The following DNAH8 variants were observed in gnomAD, a reference collection of about 807,000 sequenced individuals.
The protein encoded by DNAH8 is dynein axonemal heavy chain 8, also known as axonemal beta dynein heavy chain 8.
DNAH8 carries 382 observed loss-of-function variants against 562.1 expected under a neutral mutation model. That is an observed-to-expected ratio of 0.68 (90% CI 0.63 to 0.74). The LOEUF (loss-of-function observed/expected upper bound fraction) is 0.74. DNAH8 is among the 30% of genes least tolerant of loss of function. The pLI is 0.00. For missense variants in DNAH8, 5,203 were observed against 5,620.4 expected (o/e 0.93, Z 2.37); for synonymous variants, 1,881 against 1,919.4 (o/e 0.98, Z 0.52).
At chr6:38,799,946 C>CT (rs934099888) in intron 21 of DNAH8, among the ~76,000 whole-genome samples, 6 of 151,956 alleles carry the variant, frequency 3.9e-5, no homozygotes, top group Non-Finnish European at 7.4e-5. Flanking sequence ...AACTTAATTT[C>CT]TTTTTTTTCT....
At position 38,931,781 on chromosome 6, in the gene DNAH8, G is replaced by A. The variant is rs777975206; in HGVS notation, c.11275-30G>A. On this transcript the variant is annotated intron_variant, in intron 75 of 92. Transcript: ENST00000327475. ...AGTTCCTTTCCCTGCCCTTTAAGCT[G>A]TTTTTAATTTTATATGTGAATTTAT... is the stretch of plus-strand genomic sequence containing the variant. 4 of 1,472,732 alleles carry A rather than the reference G, an allele frequency of 2.7e-6. No homozygotes were observed. The Admixed American group carries it at 6.4e-5, about 23-fold the overall frequency. The allele number at this position is 1,472,732 out of a possible 1,614,324, so 91.2% of individuals were successfully genotyped here.
chr6:38,860,439 G>A lies in DNAH8; in HGVS notation c.5959-18G>A. ...TTGCAATTCAGTATATAATTTTTTT[G>A]TATTTTATGTTTTTAAGGTAAAAAT... On this transcript the variant is annotated intron_variant, in intron 42 of 92. Transcript: ENST00000327475. 7.3e-7 allele frequency: 1 copy of A among 1,366,890 alleles called. No individual in the cohort carries two copies. The highest frequency in any genetic ancestry group is 9.6e-7 in the Non-Finnish European group (1 of 1,042,544). 84.7% of individuals were successfully genotyped at this position (1,366,890 alleles called of 1,614,324 possible).
chr6:38,909,541 T>G lies in DNAH8; in HGVS notation c.9537T>G (p.Arg3179=), dbSNP rs771771042. 1 of 1,614,142 alleles carries G rather than the reference T, an allele frequency of 6.2e-7. No homozygotes were observed. Among genetic ancestry groups the G allele is most frequent in the Non-Finnish European group, 8.5e-7 (1 of 1,179,992 alleles). ...FSPVGEKFRA[R]SLKFPGLISG... ...AGGTTGGTGAGAAGTTCCGTGCCCG[T>G]TCTTTGAAATTTCCTGGCTTGATAT... Residue 3179 remains arginine, a synonymous_variant, in exon 65 of 93, where the codon CGT becomes CGG. Coordinates refer to ENST00000327475, the MANE Select transcript of DNAH8 (RefSeq NM_001206927.2).
chr6:38,878,553 A>G (rs1259439517), intron 53 of DNAH8, among the ~76,000 whole-genome samples: 1 of 152,210 alleles, frequency 6.6e-6, no homozygotes, highest in Middle Eastern at 3.2e-3. Flanking sequence ...GAAAAGATCA[A>G]TAAAAAGAAT....
rs1781765149 is a variant in DNAH8, at chr6:38,922,207, T to C, written c.10662+701T>C. Among the ~76,000 whole-genome samples, 2 of 151,420 alleles carry C rather than the reference T, an allele frequency of 1.3e-5. 1 individual carries two copies. Among genetic ancestry groups the C allele is most frequent in the South Asian group, 4.2e-4 (2 of 4,762 alleles). On this transcript the variant is annotated intron_variant, in intron 71 of 92. Coordinates refer to ENST00000327475, the MANE Select transcript of DNAH8 (RefSeq NM_001206927.2). ...AGCTCTGTTTGTAAAATGGGGATCC[T>C]AATATAACCTCTTGGGATAGGTTGT...
At position 38,829,473 on chromosome 6, in the gene DNAH8, A is replaced by C. The variant is rs1226925857; in HGVS notation, c.4188+1185A>C. Among the ~76,000 whole-genome samples the C allele has an allele frequency of 2.0e-5, 3 of 152,142 alleles. No individual in the cohort carries two copies. In the East Asian group the frequency reaches 5.8e-4, roughly 29 times the overall value. On this transcript the variant is annotated intron_variant, in intron 30 of 92. Coordinates refer to ENST00000327475, the MANE Select transcript of DNAH8 (RefSeq NM_001206927.2). ...GAGAGTTTTATAACTTTAGCACTTA[A>C]ATTTTGATTTCTGATACATTTTGAG...
At chr6:38,898,499 C>T in intron 61 of DNAH8, 119 bp downstream of exon 61, 2 of 791,844 alleles carry the variant, frequency 2.5e-6, no homozygotes, top group Non-Finnish European at 3.5e-6. Flanking sequence ...GAAGACTGTA[C>T]ATAGGTTGGG....
intron 53 of DNAH8, among the ~76,000 whole-genome samples, chr6:38,877,039 A>C (rs991761870): frequency 2.6e-5 from 4 of 152,226 alleles, no homozygotes; most frequent in African/African-American, 9.7e-5. Context: ...GAATCTTTAA[A>C]TCTAGATATG....
intron 13 of DNAH8, among the ~76,000 whole-genome samples, chr6:38,778,111 A>G (rs1054078141): frequency 1.3e-5 from 2 of 152,234 alleles, no homozygotes; most frequent in Admixed American, 6.5e-5. Context: ...CTTTAATGAG[A>G]TATATTGCAT....
intron 74 of DNAH8, 116 bp from the exon 75 acceptor site, chr6:38,929,395 T>A (rs1195079963): frequency 1.9e-6 from 2 of 1,047,434 alleles, no homozygotes; most frequent in African/African-American, 1.6e-5. Flanking sequence ...TTTAAGTAAG[T>A]CTTCTTCTAT....
rs960637197 is a variant in DNAH8, at chr6:38,815,574, G to A, written c.3440G>A (p.Arg1147His). The change falls in exon 26 of 93, where the codon CGT becomes CAT. Residue 1147 changes from arginine (R) to histidine (H), a missense_variant. Arg to His is a conservative substitution (Grantham distance 29). Around this residue, in one of 6 missense-constraint regions of DNAH8, gnomAD observed 2,176 missense variants for 2,365.1 expected, o/e 0.92. Coordinates refer to ENST00000327475, the MANE Select transcript of DNAH8 (RefSeq NM_001206927.2). Reference sequence around the variant, plus strand: ...GCTCACTGGGGGCAACAGCAAATCCGTCCCATCAAGTCTGTCATTCCCAGC... The same window carrying A: ...GCTCACTGGGGGCAACAGCAAATCCATCCCATCAAGTCTGTCATTCCCAGC... The part of the protein sequence containing the change: ...GVAHWGQQQI[R>H]PIKSVIPSPT... 31 of 1,613,808 alleles carry A rather than the reference G, an allele frequency of 1.9e-5. No homozygotes were observed. Among genetic ancestry groups the A allele is most frequent in the South Asian group, 7.7e-5 (7 of 91,066 alleles).
In DNAH8 at chr6:38,918,084, T is replaced by C; in HGVS notation, c.10468T>C (p.Trp3490Arg). 6.2e-7 allele frequency: 1 copy of C among 1,613,904 alleles called. No individual in the cohort carries two copies. The highest frequency in any genetic ancestry group is 8.5e-7 in the Non-Finnish European group (1 of 1,179,898). The stretch of plus-strand genomic sequence containing the variant: ...TGGGAATGTGGCTGGTCTCCTGTCT[T>C]GGACACTTGCTATGGCAATATTTTA... ...VCGNVAGLLS[W>R]TLAMAIFYGI... Residue 3490 changes from tryptophan (W) to arginine (R), a missense_variant, in exon 70 of 93, where the codon TGG becomes CGG. Transcript: ENST00000327475.
chr6:38,786,949 G>A lies in DNAH8; in HGVS notation c.2580G>A (p.Leu860=), dbSNP rs776941636. 2 of 1,599,090 alleles carry A rather than the reference G, an allele frequency of 1.3e-6. No individual in the cohort carries two copies. Among genetic ancestry groups the A allele is most frequent in the South Asian group, 2.3e-5 (2 of 88,320 alleles). The change falls in exon 18 of 93, where the codon TTG becomes TTA. Residue 860 remains leucine, a synonymous_variant. Coordinates refer to ENST00000327475, the MANE Select transcript of DNAH8 (RefSeq NM_001206927.2). The part of the protein sequence containing the change: ...ESKLKADKLY[L]QGLLQYYDEL... ...AATTGAAAGCAGACAAACTGTATTT[G>A]CAGGTAAGATAGATTATGTTTTCTA...
At chr6:39,016,291 C>A (rs1285256273) in intron 91 of DNAH8, among the ~76,000 whole-genome samples, 1 of 151,952 alleles carries the variant, frequency 6.6e-6, no homozygotes, top group African/African-American at 2.4e-5. Context: ...GTGGCTCACG[C>A]GTGTAATCCC....
intron 10 of DNAH8, among the ~76,000 whole-genome samples, chr6:38,756,579 T>A (rs1020670323): frequency 6.6e-6 from 1 of 152,170 alleles, no homozygotes; most frequent in Non-Finnish European, 1.5e-5. Context: ...TGCAGGTTAG[T>A]TACATATGTA....
rs756587791 is a variant in DNAH8 at position 38,722,840 on chromosome 6, T to C, written c.31T>C (p.Ser11Pro). The C allele has an allele frequency of 6.2e-5, 99 of 1,604,874 alleles. 1 individual carries two copies. Among genetic ancestry groups the C allele is most frequent in the Non-Finnish European group, 8.3e-5 (98 of 1,175,802 alleles). ...GAAGGATGCTGAAGATGGCGCCCCT[T>C]CTGAGGGAGCAGAGGCTCCTCCCTC... MEKDAEDGAP[S>P]EGAEAPPSTE... Residue 11 changes from serine (S) to proline (P), a missense_variant, in exon 2 of 93, where the codon TCT (serine) becomes CCT (proline). Coordinates refer to ENST00000327475, the MANE Select transcript of DNAH8 (RefSeq NM_001206927.2).
chr6:39,021,436 A>G (rs973480129), intron 91 of DNAH8, among the ~76,000 whole-genome samples: 1 of 152,182 alleles, frequency 6.6e-6, no homozygotes, highest in African/African-American at 2.4e-5. Flanking sequence ...TTCTGATTGT[A>G]TTTATCTGAG....
intron 1 of DNAH8, among the ~76,000 whole-genome samples, chr6:38,715,956 ATATATT>A (rs1317251081): frequency 2.7e-3 from 74 of 26,988 alleles, no homozygotes; most frequent in East Asian, 9.2e-3. Flanking sequence ...ATATATATAT[ATATATT>A]TTTTTTTTTT....
At chr6:38,952,016 C>A (rs1380769901) in intron 82 of DNAH8, among the ~76,000 whole-genome samples, 2 of 152,080 alleles carry the variant, frequency 1.3e-5, no homozygotes, top group African/African-American at 4.8e-5. Context: ...TACAACACAG[C>A]TGGGAAAGAC....
Sources: allele counts gnomAD v4.1 joint callset (sites outside exome capture counted in the v4.1 genomes callset), GRCh38; gene constraint gnomAD v4.1.1; regional missense constraint gnomAD v4.1.1; transcripts MANE v1.5; gene names NCBI Gene and HGNC (gene_info 2026-07-23, HGNC 2026-07-21).